The following LDB2 variants were observed in gnomAD, a reference collection of about 807,000 sequenced individuals.
LDB2 encodes LIM domain binding 2.
Under a neutral mutation model 44.3 loss-of-function variants are expected in LDB2, and 12 were observed. The observed-to-expected ratio is 0.27, with a 90% CI of 0.17 to 0.44. LDB2 has a LOEUF of 0.44. Among genes scored for constraint, LDB2 ranks in the 20% least tolerant of loss-of-function variants. LDB2 has a pLI of 1.00. For missense variants in LDB2, 344 were observed against 473.5 expected (o/e 0.73, Z 2.54); for synonymous variants, 164 against 174.8 (o/e 0.94, Z 0.49).
chr4:16,688,422 G>GT (rs2152576258), intron 2 of LDB2, among the ~76,000 whole-genome samples: 1 of 152,280 alleles, frequency 6.6e-6, no homozygotes, highest in African/African-American at 2.4e-5. Flanking sequence ...AGCACTGAGA[G>GT]GCCAGCTTCG....
chr4:16,766,628 C>T (rs909518657), intron 1 of LDB2, among the ~76,000 whole-genome samples: 17 of 151,560 alleles, frequency 1.1e-4, no homozygotes, highest in African/African-American at 3.6e-4. Context: ...GCCTCAGCCA[C>T]GCGAGTAGCT....
At chr4:16,587,922 T>C (rs1410011007) in intron 4 of LDB2, among the ~76,000 whole-genome samples, 3 of 151,936 alleles carry the variant, frequency 2.0e-5, no homozygotes, top group Non-Finnish European at 4.4e-5. Flanking sequence ...TAAAAAAAAA[T>C]CAGTAAATGG....
intron 2 of LDB2, among the ~76,000 whole-genome samples, chr4:16,733,065 A>G (rs1200049900): frequency 1.3e-5 from 2 of 152,170 alleles, no homozygotes; most frequent in African/African-American, 4.8e-5. Context: ...CACCAGAACA[A>G]AAAGAATAAA....
intron 1 of LDB2, among the ~76,000 whole-genome samples, chr4:16,768,007 G>T (rs1377788001): frequency 4.6e-5 from 7 of 152,032 alleles, no homozygotes; most frequent in Admixed American, 4.6e-4. Context: ...CAGGATCCCG[G>T]TGCCAGGGCT....
At chr4:16,749,847 G>A (rs1765145436) in intron 2 of LDB2, among the ~76,000 whole-genome samples, 1 of 152,058 alleles carries the variant, frequency 6.6e-6, no homozygotes, top group Admixed American at 6.6e-5. Flanking sequence ...GTATTTGAAG[G>A]ACATTGTGGT....
intron 2 of LDB2, among the ~76,000 whole-genome samples, chr4:16,740,485 G>A (rs1467086781): frequency 6.6e-6 from 1 of 152,324 alleles, no homozygotes; most frequent in Middle Eastern, 3.4e-3. Flanking sequence ...CGTGCGAGCT[G>A]TTCTTTTGAT....
At position 16,898,631 on chromosome 4, in the gene LDB2, C is replaced by T; in HGVS notation, c.-146G>A. On this transcript the variant is annotated 5_prime_UTR_variant, in exon 1 of 8. In the 5' UTR this introduces an upstream ATG that the reference lacks. Coordinates refer to ENST00000304523, the MANE Select transcript of LDB2 (RefSeq NM_001290.5). The stretch of plus-strand genomic sequence containing the variant: ...GGCAGGCAGGCAGGCAGGCTGAACA[C>T]GCTGGCTGGGAACTGCTGTCGGAGC... 1 of 458,288 alleles carries T rather than the reference C, an allele frequency of 2.2e-6. No individual in the cohort carries two copies. Among genetic ancestry groups the T allele is most frequent in the Non-Finnish European group, 3.5e-6 (1 of 288,542 alleles). The allele number at this position is 458,288 out of a possible 1,614,324, so 28.4% of individuals were successfully genotyped here.
chr4:16,872,923 T>G (rs1717130530), intron 1 of LDB2, among the ~76,000 whole-genome samples: 1 of 152,210 alleles, frequency 6.6e-6, no homozygotes, highest in African/African-American at 2.4e-5. Flanking sequence ...GTCCAGATCA[T>G]TGTCGGGGAG....
At chr4:16,883,420 A>C (rs1720749872) in intron 1 of LDB2, among the ~76,000 whole-genome samples, 1 of 152,270 alleles carries the variant, frequency 6.6e-6, no homozygotes, top group Non-Finnish European at 1.5e-5. Context: ...GGTACGAGAA[A>C]GATTCAAGAA....
rs1244679258 is a variant in LDB2 at position 16,502,485 on chromosome 4, AAAAG to A, written c.*154_*157del. On this transcript the variant is annotated 3_prime_UTR_variant, in exon 8 of 8. Transcript: ENST00000304523. ...TGGGAATAATCCTCTCAATTAGAAAAAAAGAAAGAAGAAAGAAAATCAGATCATT... is the reference window on the plus strand; with the variant it reads ...TGGGAATAATCCTCTCAATTAGAAAAAAAGAAGAAAGAAAATCAGATCATT... 16 of 1,118,536 alleles carry A rather than the reference AAAAG, an allele frequency of 1.4e-5. No individual in the cohort carries two copies. The highest frequency in any genetic ancestry group is 4.7e-5 in the South Asian group (3 of 63,652). 69.3% of individuals were successfully genotyped at this position (1,118,536 alleles called of 1,614,324 possible).
chr4:16,892,096 C>A (rs1389858549), intron 1 of LDB2, among the ~76,000 whole-genome samples: 1 of 152,314 alleles, frequency 6.6e-6, no homozygotes, highest in East Asian at 1.9e-4. Context: ...CCAACAGACA[C>A]TGAAAACTCC....
At chr4:16,623,349 G>A (rs1301416038) in intron 2 of LDB2, among the ~76,000 whole-genome samples, 1 of 152,150 alleles carries the variant, frequency 6.6e-6, no homozygotes, top group Non-Finnish European at 1.5e-5. Context: ...TGTAATCCCA[G>A]CACTTTGAGA....
intron 3 of LDB2, among the ~76,000 whole-genome samples, chr4:16,591,174 T>G (rs1718800316): frequency 1.3e-5 from 2 of 152,236 alleles, no homozygotes; most frequent in Non-Finnish European, 2.9e-5. Flanking sequence ...CTAATATATT[T>G]GTTTTGCATT....
chr4:16,884,814 A>G (rs115456870), intron 1 of LDB2, among the ~76,000 whole-genome samples: 127 of 152,368 alleles, frequency 8.3e-4, no homozygotes, highest in African/African-American at 2.9e-3. Context: ...TACAAGAATT[A>G]ACTCACTCTA....
intron 1 of LDB2, among the ~76,000 whole-genome samples, chr4:16,820,588 G>T (rs1235938984): frequency 6.6e-6 from 1 of 152,204 alleles, no homozygotes; most frequent in Non-Finnish European, 1.5e-5. Flanking sequence ...AGCTTTCCTG[G>T]CAGTGAACTT....
chr4:16,793,430 A>T (rs918585254), intron 1 of LDB2, among the ~76,000 whole-genome samples: 1 of 152,164 alleles, frequency 6.6e-6, no homozygotes, highest in African/African-American at 2.4e-5. Flanking sequence ...GGAGGGTTCC[A>T]TAGGTGGAAT....
At chr4:16,723,385 T>C (rs960561365) in intron 2 of LDB2, among the ~76,000 whole-genome samples, 7 of 152,098 alleles carry the variant, frequency 4.6e-5, no homozygotes, top group African/African-American at 1.7e-4. Flanking sequence ...AGCTCGCTTT[T>C]AGAACAAAGC....
chr4:16,546,686 T>G (rs1735888619), intron 5 of LDB2, among the ~76,000 whole-genome samples: 1 of 152,226 alleles, frequency 6.6e-6, no homozygotes, highest in Non-Finnish European at 1.5e-5. Flanking sequence ...CCAAAGTCAC[T>G]AAAAGCCCTC....
intron 2 of LDB2, among the ~76,000 whole-genome samples, chr4:16,715,636 A>G (rs964873425): frequency 3.9e-5 from 6 of 152,314 alleles, no homozygotes; most frequent in Non-Finnish European, 4.4e-5. Flanking sequence ...ATAAGTGAAA[A>G]CATTACATGA....
Sources: allele counts gnomAD v4.1 joint callset (sites outside exome capture counted in the v4.1 genomes callset), GRCh38; gene constraint gnomAD v4.1.1; transcripts MANE v1.5; gene names NCBI Gene and HGNC (gene_info 2026-07-23, HGNC 2026-07-21).